The following RAB11FIP4 variants were observed in gnomAD, a reference collection of about 807,000 sequenced individuals.
RAB11FIP4 encodes rab11 family-interacting protein 4.
In RAB11FIP4, 23 loss-of-function variants were observed where a neutral mutation model predicts 74.3. The observed-to-expected ratio is 0.31, with a 90% CI of 0.22 to 0.44. The LOEUF is 0.44. RAB11FIP4 is among the 20% of genes least tolerant of loss of function. The pLI is 1.00. For missense variants in RAB11FIP4, 630 were observed against 863.9 expected, an observed-to-expected ratio of 0.73 and a Z score of 3.39; for synonymous variants, 360 against 359.9, an observed-to-expected ratio of 1.00 and a Z score of 0.00.
intron 3 of RAB11FIP4, among the ~76,000 whole-genome samples, chr17:31,516,154 C>G (rs1422418634): frequency 6.6e-6 from 1 of 152,016 alleles, no homozygotes; most frequent in African/African-American, 2.4e-5. Flanking sequence ...TCCTGATTTA[C>G]AGAAGACAAC....
intron 3 of RAB11FIP4, among the ~76,000 whole-genome samples, chr17:31,502,515 G>A (rs1222958184): frequency 1.3e-5 from 2 of 152,168 alleles, no homozygotes; most frequent in African/African-American, 4.8e-5. Context: ...AGAGACAGAG[G>A]TTGCAGTGAG....
chr17:31,446,957 T>C (rs529141597), intron 3 of RAB11FIP4, among the ~76,000 whole-genome samples: 11 of 152,266 alleles, frequency 7.2e-5, no homozygotes, highest in African/African-American at 2.2e-4. Flanking sequence ...CAAGACCAGC[T>C]TGGACAGCAA....
chr17:31,412,368 G>A (rs2071106344), intron 1 of RAB11FIP4, among the ~76,000 whole-genome samples: 1 of 152,226 alleles, frequency 6.6e-6, no homozygotes. Context: ...ATGTGGAAAT[G>A]GAGCCCGCTC....
chr17:31,494,735 C>G (rs142914889), intron 3 of RAB11FIP4, among the ~76,000 whole-genome samples: 1 of 152,136 alleles, frequency 6.6e-6, no homozygotes, highest in Non-Finnish European at 1.5e-5. Context: ...CCGCGGCCCC[C>G]CAAAGTGCTG....
intron 3 of RAB11FIP4, among the ~76,000 whole-genome samples, chr17:31,463,113 G>C (rs1164585809): frequency 6.6e-6 from 1 of 152,178 alleles, no homozygotes; most frequent in Non-Finnish European, 1.5e-5. Context: ...ATCAACATGA[G>C]GAGGCGTTAA....
chr17:31,425,829 C>T lies in RAB11FIP4; in HGVS notation c.160-5984C>T, dbSNP rs560294026. Among the ~76,000 whole-genome samples, 8 of 152,314 alleles carry T rather than the reference C, an allele frequency of 5.3e-5. No individual in the cohort carries two copies. In the East Asian group the frequency reaches 5.8e-4, roughly 11 times the overall value. ...GGGGAGCCCCAGGGCTGCCCAGCCA[C>T]GCATGGTGTGTGCCCCAGGGTGGGG... On this transcript the variant is annotated intron_variant, in intron 1 of 14. Transcript: ENST00000621161.
At chr17:31,518,219 A>G (rs1201367950) in intron 4 of RAB11FIP4, among the ~76,000 whole-genome samples, 1 of 152,122 alleles carries the variant, frequency 6.6e-6, no homozygotes, top group East Asian at 1.9e-4. Flanking sequence ...GTGGCCAGGC[A>G]TGGTGGCTCA....
chr17:31,462,728 C>G (rs2071645110), intron 3 of RAB11FIP4, among the ~76,000 whole-genome samples: 2 of 152,194 alleles, frequency 1.3e-5, no homozygotes, highest in African/African-American at 4.8e-5. Flanking sequence ...CCTCCGCCTC[C>G]TGGGTTCAAG....
intron 3 of RAB11FIP4, among the ~76,000 whole-genome samples, chr17:31,455,502 A>G (rs952849215): frequency 2.6e-5 from 4 of 152,180 alleles, no homozygotes; most frequent in African/African-American, 9.7e-5. Flanking sequence ...TCCTTATGCC[A>G]AAGTGGCGTA....
At chr17:31,498,834 C>T (rs546131286) in intron 3 of RAB11FIP4, among the ~76,000 whole-genome samples, 7 of 152,330 alleles carry the variant, frequency 4.6e-5, no homozygotes, top group African/African-American at 7.2e-5. Context: ...CCACTGTTTT[C>T]CCTCCCAAAC....
At chr17:31,403,574 G>C (rs991720119) in intron 1 of RAB11FIP4, among the ~76,000 whole-genome samples, 7 of 152,008 alleles carry the variant, frequency 4.6e-5, no homozygotes, top group Non-Finnish European at 1.0e-4. Context: ...CACCCATCTT[G>C]GCCTCCCAAA....
intron 1 of RAB11FIP4, among the ~76,000 whole-genome samples, chr17:31,394,837 A>G (rs1182554016): frequency 6.8e-6 from 1 of 146,572 alleles, no homozygotes; most frequent in African/African-American, 2.5e-5. Context: ...ATTGACCGAG[A>G]CCCGTGGAAA....
intron 9 of RAB11FIP4, 149 bp from the exon 10 acceptor site, chr17:31,524,941 G>A (rs550562519): frequency 2.9e-5 from 26 of 897,236 alleles, no homozygotes; most frequent in Admixed American, 4.7e-5. Context: ...CGGTGTCCCC[G>A]TTCATCTCTC....
At position 31,531,824 on chromosome 17, in the gene RAB11FIP4, A is replaced by G; in HGVS notation, c.*92A>G. 1 of 801,962 alleles carries G rather than the reference A, an allele frequency of 1.2e-6. No individual in the cohort carries two copies. The highest frequency in any genetic ancestry group is 2.1e-6 in the Non-Finnish European group (1 of 467,674). The allele number at this position is 801,962 out of a possible 1,614,324, so 49.7% of individuals were successfully genotyped here. On this transcript the variant is annotated 3_prime_UTR_variant, in exon 15 of 15. Coordinates refer to ENST00000621161, the MANE Select transcript of RAB11FIP4 (RefSeq NM_032932.6). ...CAGGCCTAAGCCGGGCCTCACACTC[A>G]CACTGTAAATGTCTCTCTGGCCACC...
chr17:31,447,572 G>C (rs2071479037), intron 3 of RAB11FIP4, among the ~76,000 whole-genome samples: 2 of 152,084 alleles, frequency 1.3e-5, no homozygotes, highest in African/African-American at 4.8e-5. Flanking sequence ...GCCCAGGCTG[G>C]AGTGCAATAG....
intron 5 of RAB11FIP4, 183 bp from the exon 6 acceptor site, chr17:31,521,732 A>C: frequency 1.5e-6 from 1 of 685,010 alleles, no homozygotes. Flanking sequence ...GGTATGCCTC[A>C]CTGGCTTCTC....
At chr17:31,453,689 G>T (rs1305108024) in intron 3 of RAB11FIP4, among the ~76,000 whole-genome samples, 1 of 151,136 alleles carries the variant, frequency 6.6e-6, no homozygotes, top group Non-Finnish European at 1.5e-5. Context: ...GCTGGGCGTG[G>T]TGGTGCATGC....
chr17:31,424,587 T>C (rs1410253285), intron 1 of RAB11FIP4, among the ~76,000 whole-genome samples: 1 of 150,758 alleles, frequency 6.6e-6, no homozygotes, highest in African/African-American at 2.4e-5. Flanking sequence ...TTTTTTTTTT[T>C]TTTTTTGAGG....
At chr17:31,418,281 A>T (rs1471002196) in intron 1 of RAB11FIP4, among the ~76,000 whole-genome samples, 2 of 152,080 alleles carry the variant, frequency 1.3e-5, no homozygotes, top group African/African-American at 4.8e-5. Flanking sequence ...CCAGCTACTC[A>T]GGAGGCTGAG....
Sources: allele counts gnomAD v4.1 joint callset (sites outside exome capture counted in the v4.1 genomes callset), GRCh38; gene constraint gnomAD v4.1.1; transcripts MANE v1.5; gene names NCBI Gene and HGNC (gene_info 2026-07-23, HGNC 2026-07-21).